Variants in NCBP1 observed in about 807,000 individuals in gnomAD.
NCBP1 encodes the protein nuclear cap binding protein subunit 1.
In NCBP1, 16 loss-of-function variants were observed where a neutral mutation model predicts 111.7. That is an observed-to-expected ratio of 0.14 (90% CI 0.10 to 0.22). The LOEUF is 0.22. Ranked by LOEUF, NCBP1 falls within the 10% of genes least tolerant of loss-of-function variation. The pLI is 1.00. For missense variants in NCBP1, 607 were observed against 957.5 expected (o/e 0.63, Z 4.83); for synonymous variants, 304 against 314.3 (o/e 0.97, Z 0.35).
At chr9:97,659,416 A>G (rs1827766845) in intron 15 of NCBP1, among the ~76,000 whole-genome samples, 1 of 151,974 alleles carries the variant, frequency 6.6e-6, no homozygotes, top group African/African-American at 2.4e-5. Context: ...TGCTTTTCAT[A>G]CTGTGTGCCT....
intron 16 of NCBP1, 136 bp downstream of exon 16, chr9:97,661,204 AC>A: frequency 1.0e-6 from 1 of 980,698 alleles, no homozygotes; most frequent in Non-Finnish European, 1.4e-6. Flanking sequence ...TGTTCTTAGC[AC>A]CCCAGGTATT....
chr9:97,654,508 T>C (rs1827589414), intron 11 of NCBP1, among the ~76,000 whole-genome samples: 2 of 151,496 alleles, frequency 1.3e-5, no homozygotes, highest in Non-Finnish European at 2.9e-5. Flanking sequence ...GCAGATGCCA[T>C]TGGAAAAATG....
Position 97,657,921 on chromosome 9 carries a change from TATA to T in NCBP1, c.1374-718_1374-716del, listed in dbSNP as rs1393072109. ...CTCTCTCTCTCTATATATATATATA[TATA>T]TATTTTTTTTTTTTTTTTTAACGTC... On this transcript the variant is annotated intron_variant, in intron 14 of 22. Coordinates refer to ENST00000375147, the MANE Select transcript of NCBP1 (RefSeq NM_002486.5). Among the ~76,000 whole-genome samples, 85 of 105,958 alleles carry T rather than the reference TATA, an allele frequency of 8.0e-4. 2 individuals carry two copies. In the South Asian group the frequency reaches 0.02, roughly 24 times the overall value. 69.5% of individuals were successfully genotyped at this position (105,958 alleles called of 152,430 possible).
At chr9:97,639,784 T>G (rs1827152297) in intron 1 of NCBP1, among the ~76,000 whole-genome samples, 1 of 152,136 alleles carries the variant, frequency 6.6e-6, no homozygotes, top group African/African-American at 2.4e-5. Context: ...GGTGAGTGTG[T>G]TAAGGCTTTA....
At chr9:97,645,899 T>TA (rs1306774107) in intron 6 of NCBP1, among the ~76,000 whole-genome samples, 167 bp downstream of exon 6, 2 of 152,252 alleles carry the variant, frequency 1.3e-5, no homozygotes, top group African/African-American at 4.8e-5. Flanking sequence ...AGTAGTCAGA[T>TA]ATGGTTTGCT....
At chr9:97,669,828 T>C (rs745672306) in intron 22 of NCBP1, 122 bp downstream of exon 22, 6 of 737,994 alleles carry the variant, frequency 8.1e-6, no homozygotes, top group East Asian at 2.7e-5. Context: ...CTTTAGTTCA[T>C]GTCCATTTGC....
intron 12 of NCBP1, 95 bp downstream of exon 12, chr9:97,655,039 TGTTTA>T: frequency 8.9e-7 from 1 of 1,125,214 alleles, no homozygotes; most frequent in Non-Finnish European, 1.2e-6. Flanking sequence ...AGAATTTCCA[TGTTTA>T]GTTTTTTTCT....
chr9:97,640,772 A>G, intron 1 of NCBP1, 22 bp from the exon 2 acceptor site: 1 of 1,575,356 alleles, frequency 6.3e-7, no homozygotes, highest in African/African-American at 1.4e-5. Flanking sequence ...TGTAATGTTA[A>G]TTTTTTATGT....
intron 21 of NCBP1, 144 bp downstream of exon 21, chr9:97,669,118 T>C (rs1397917308): frequency 4.0e-6 from 4 of 1,008,078 alleles, no homozygotes; most frequent in Non-Finnish European, 5.5e-6. Context: ...AGGAAGGAAA[T>C]AAAAGTTCAC....
chr9:97,659,632 T>C (rs1038730919), intron 15 of NCBP1, among the ~76,000 whole-genome samples: 4 of 152,228 alleles, frequency 2.6e-5, no homozygotes, highest in African/African-American at 9.6e-5. Flanking sequence ...GTGCACTAAC[T>C]GAGTGGCCAT....
intron 18 of NCBP1, 95 bp from the exon 19 acceptor site, chr9:97,664,245 C>A: frequency 1.4e-6 from 1 of 698,580 alleles, no homozygotes; most frequent in East Asian, 2.8e-5. Context: ...ATTTTATAGC[C>A]CTCCTATTTT....
intron 1 of NCBP1, chr9:97,635,903 G>A (rs1827010266): frequency 6.6e-6 from 1 of 152,150 alleles, no homozygotes; most frequent in African/African-American, 2.4e-5. Flanking sequence ...GGGCATCCTA[G>A]AGAATTGGAA....
Position 97,662,103 on chromosome 9 carries a change from G to A in NCBP1, c.1662G>A (p.Leu554=), listed in dbSNP as rs748019144. 6.2e-7 allele frequency: 1 copy of A among 1,613,826 alleles called. No individual in the cohort carries two copies. Among genetic ancestry groups the A allele is most frequent in the South Asian group, 1.1e-5 (1 of 91,062 alleles). ...IEVFVQTLLH[L]AAKSFSHSFS... ...TCTTTGTACAGACTCTGCTACACTTGGCAGCCAAATCATTCAGCCACTCCT... is the reference window on the plus strand; with the variant it reads ...TCTTTGTACAGACTCTGCTACACTTAGCAGCCAAATCATTCAGCCACTCCT... The change falls in exon 17 of 23, where the codon TTG becomes TTA. Residue 554 remains leucine (L), a synonymous_variant. Coordinates refer to ENST00000375147, the MANE Select transcript of NCBP1 (RefSeq NM_002486.5).
intron 7 of NCBP1, 40 bp downstream of exon 7, chr9:97,647,601 GCT>G (rs1564020730): frequency 1.4e-6 from 2 of 1,479,684 alleles, no homozygotes; most frequent in African/African-American, 2.8e-5. Flanking sequence ...AACACAGTCA[GCT>G]CTTGAATAGA....
chr9:97,640,988 G>T, intron 2 of NCBP1, 106 bp downstream of exon 2: 1 of 765,760 alleles, frequency 1.3e-6, no homozygotes, highest in South Asian at 1.9e-5. Context: ...TGGCAAAGCT[G>T]GTATTACCAT....
chr9:97,662,924 A>T, intron 17 of NCBP1, 30 bp from the exon 18 acceptor site: 1 of 1,474,468 alleles, frequency 6.8e-7, no homozygotes, highest in Non-Finnish European at 9.4e-7. Context: ...ATAAGTATAT[A>T]TGGTATTTTT....
chr9:97,650,101 A>T (rs2131343147), intron 8 of NCBP1, among the ~76,000 whole-genome samples: 1 of 152,274 alleles, frequency 6.6e-6, no homozygotes, highest in Non-Finnish European at 1.5e-5. Flanking sequence ...GGCATTTTTC[A>T]ATTCATGCAT....
chr9:97,661,254 T>C (rs142001014), intron 16 of NCBP1, among the ~76,000 whole-genome samples, 186 bp downstream of exon 16: 12 of 152,340 alleles, frequency 7.9e-5, no homozygotes, highest in Admixed American at 7.8e-4. Flanking sequence ...ATTTCTGTGA[T>C]ATAGCTTACT....
intron 8 of NCBP1, 70 bp from the exon 9 acceptor site, chr9:97,650,433 A>G: frequency 3.4e-6 from 4 of 1,170,594 alleles, no homozygotes; most frequent in Non-Finnish European, 5.0e-6. Flanking sequence ...AGTCTCTCAA[A>G]TATTTGTTGA....
Sources: gnomAD v4.1 joint callset for allele counts (sites outside exome capture counted in the v4.1 genomes callset) on GRCh38, gnomAD v4.1.1 for gene constraint, MANE v1.5 for transcripts, NCBI Gene and HGNC (gene_info 2026-07-23, HGNC 2026-07-21) for gene names.